The following COL5A3 variants were observed in gnomAD, a reference collection of about 807,000 sequenced individuals.
COL5A3 encodes the protein collagen type V alpha 3 chain.
A neutral mutation model predicts 250.0 loss-of-function variants in COL5A3; 172 were observed. The ratio of observed to expected loss-of-function variants is 0.69; its 90% CI spans 0.61 to 0.78. The LOEUF is 0.78. COL5A3 is among the 30% of genes least tolerant of loss of function. The pLI is 0.00. For missense variants in COL5A3, 2,340 were observed against 2,334.4 expected, an observed-to-expected ratio of 1.00 and a Z score of -0.05; for synonymous variants, 937 against 900.4, an observed-to-expected ratio of 1.04 and a Z score of -0.73.
intron 31 of COL5A3, 61 bp downstream of exon 31, chr19:9,985,781 C>T (rs2087090521): frequency 1.4e-6 from 2 of 1,472,220 alleles, no homozygotes; most frequent in Admixed American, 1.7e-5. Flanking sequence ...CCTGGACCCC[C>T]AGATGTTAGT....
At chr19:9,996,753 G>A (rs1314387470) in intron 11 of COL5A3, 64 bp from the exon 12 acceptor site, 1 of 1,300,874 alleles carries the variant, frequency 7.7e-7, no homozygotes, top group Non-Finnish European at 1.1e-6. Flanking sequence ...AGCGAGGACA[G>A]GGGAGGCACA....
rs748516330 is a variant in COL5A3 at position 9,966,657 on chromosome 19, C to T, written c.4548G>A (p.Val1516=). 5.2e-6 allele frequency: 8 copies of T among 1,538,096 alleles called. No homozygotes were observed. The highest frequency in any genetic ancestry group is 7.0e-6 in the Non-Finnish European group (8 of 1,147,260). The change falls in exon 63 of 67, where the codon GTG becomes GTA. Residue 1516 remains valine (V), a synonymous_variant. Transcript: ENST00000264828. The stretch of plus-strand genomic sequence containing the variant: ...AGCTCAGCGATGTGAGCGAGGCCAG[C>T]ACCTCCTCCAGGCCGCCCTCCACGA... ...LPVVEGGLEE[V]LASLTSLSLE...
At chr19:9,997,124 GAC>G (rs1169809573) in intron 11 of COL5A3, 2 of 583,782 alleles carry the variant, frequency 3.4e-6, no homozygotes, top group Admixed American at 6.1e-5. Context: ...ACAGGAGAAA[GAC>G]AGAGATAAAA....
rs1209801700 is a variant in COL5A3 at position 9,983,560 on chromosome 19, GAA to G, written c.2407-1444_2407-1443del. Among the ~76,000 whole-genome samples, 14 of 66,084 alleles carry G rather than the reference GAA, an allele frequency of 2.1e-4. No homozygotes were observed. In the South Asian group the frequency reaches 2.2e-3, roughly 11 times the overall value. The allele number at this position is 66,084 out of a possible 152,430, so 43.4% of individuals were successfully genotyped here. On this transcript the variant is annotated intron_variant, in intron 31 of 66. Transcript: ENST00000264828. ...AGAAAGAAAGAAAGAAAGAAAGAAAGAAAGAAAGAAAGAAAGAAAGAAAGAAA... is the reference window on the plus strand; with the variant it reads ...AGAAAGAAAGAAAGAAAGAAAGAAAGAGAAAGAAAGAAAGAAAGAAAGAAA...
At chr19:9,978,712 C>A in intron 40 of COL5A3, 85 bp from the exon 41 acceptor site, 2 of 1,012,024 alleles carry the variant, frequency 2.0e-6, no homozygotes, top group East Asian at 2.7e-5. Flanking sequence ...TCACAGTCCC[C>A]ACCTCTCTCC....
intron 37 of COL5A3, 99 bp from the exon 38 acceptor site, chr19:9,979,516 C>G: frequency 7.6e-7 from 1 of 1,308,044 alleles, no homozygotes; most frequent in South Asian, 1.2e-5. Flanking sequence ...TCTGGCCGGT[C>G]CGGTGGCTCA....
intron 27 of COL5A3, among the ~76,000 whole-genome samples, chr19:9,988,544 C>T (rs991358043): frequency 6.6e-6 from 1 of 151,802 alleles, no homozygotes; most frequent in Non-Finnish European, 1.5e-5. Context: ...AGAACACAAC[C>T]CTCGGGCCAG....
intron 31 of COL5A3, among the ~76,000 whole-genome samples, chr19:9,983,590 AAGAAAGAAAGAG>A (rs1568418798): frequency 1.3e-5 from 1 of 75,582 alleles, no homozygotes; most frequent in African/African-American, 5.3e-5. Flanking sequence ...GAAAGAAAGA[AAGAAAGAAAGAG>A]AAAGAGAGAG....
chr19:9,985,958 C>G, intron 30 of COL5A3, 63 bp from the exon 31 acceptor site: 1 of 1,507,588 alleles, frequency 6.6e-7, no homozygotes, highest in Non-Finnish European at 9.2e-7. Context: ...GCGGAAAGGT[C>G]AGGCTGGCTG....
chr19:9,960,270 A>T lies in COL5A3; in HGVS notation c.*141T>A. On this transcript the variant is annotated 3_prime_UTR_variant, in exon 67 of 67. Transcript: ENST00000264828. ...CCCCAGCACCCTGGAAAGGAGAAGG[A>T]ATGACTGTCCGTGATGAGCGAAGTC... 9.6e-7 allele frequency: 1 copy of T among 1,040,494 alleles called. No individual in the cohort carries two copies. 64.5% of individuals were successfully genotyped at this position (1,040,494 alleles called of 1,614,324 possible).
intron 5 of COL5A3, 42 bp from the exon 6 acceptor site, chr19:10,003,756 C>A: frequency 9.9e-6 from 16 of 1,609,438 alleles, no homozygotes; most frequent in Non-Finnish European, 1.3e-5. Flanking sequence ...ATCCCACCAG[C>A]AGAGACCCCA....
chr19:9,987,527 A>C (rs1044655939), intron 27 of COL5A3, among the ~76,000 whole-genome samples: 3 of 152,120 alleles, frequency 2.0e-5, no homozygotes, highest in Non-Finnish European at 2.9e-5. Context: ...GCTTGAGCCC[A>C]GGAGTTCCAG....
At chr19:9,989,073 G>A (rs2145115432) in intron 27 of COL5A3, 51 bp downstream of exon 27, 1 of 1,585,740 alleles carries the variant, frequency 6.3e-7, no homozygotes, top group East Asian at 2.2e-5. Flanking sequence ...TGCATCGCAT[G>A]CCTGAACCCA....
chr19:9,961,698 A>G lies in COL5A3; in HGVS notation c.4852-808T>C, dbSNP rs544603934. 1.6e-4 allele frequency among the ~76,000 whole-genome samples: 25 copies of G among 151,758 alleles called. 1 individual carries two copies. The East Asian group carries it at 3.9e-3, about 24-fold the overall frequency. On this transcript the variant is annotated intron_variant, in intron 65 of 66. Transcript: ENST00000264828. ...CTCAGCCTCCCAAGTAACTGGGACT[A>G]CGGGCGCCTGCCACCACGCCCGGCT...
In COL5A3 at chr19:10,003,667, C is replaced by T; in HGVS notation, c.747G>A (p.Lys249=). Residue 249 remains lysine (K), a synonymous_variant, in exon 6 of 67, where the codon AAG becomes AAA. Coordinates refer to ENST00000264828, the MANE Select transcript of COL5A3 (RefSeq NM_015719.4). ...PETPRPRRKG[K]GKGRKKGRGR... ...CTCGCCCTTTCTTCCTCCCTTTTCC[C>T]TTCCCCTTCCGCCGAGGACGAGGGG... 6.2e-7 allele frequency: 1 copy of T among 1,614,190 alleles called. No individual in the cohort carries two copies. The highest frequency in any genetic ancestry group is 8.5e-7 in the Non-Finnish European group (1 of 1,180,034).
Position 9,974,293 on chromosome 19 carries a change from A to C in COL5A3, c.3450+8T>G. On this transcript the variant is annotated splice_region_variant and intron_variant, in intron 46 of 66. Coordinates refer to ENST00000264828, the MANE Select transcript of COL5A3 (RefSeq NM_015719.4). ...TCAGAAGTGCCACCCCCAAACCCAG[A>C]CACCCACCTGCAGTCCAGGAGGGCC... The C allele has an allele frequency of 6.2e-7, 1 of 1,609,660 alleles. No homozygotes were observed. Among genetic ancestry groups the C allele is most frequent in the Non-Finnish European group, 8.5e-7 (1 of 1,177,700 alleles).
rs201669209 is a variant in COL5A3, at chr19:9,972,969, G to T, written c.3724C>A (p.Pro1242Thr). The T allele has an allele frequency of 1.2e-6, 2 of 1,611,958 alleles. No individual in the cohort carries two copies. The highest frequency in any genetic ancestry group is 1.7e-6 in the Non-Finnish European group (2 of 1,179,156). The change falls in exon 51 of 67, where the codon CCC becomes ACC. Residue 1242 changes from proline (P) to threonine (T), a missense_variant. Coordinates refer to ENST00000264828, the MANE Select transcript of COL5A3 (RefSeq NM_015719.4). ...GDSGPSGAAG[P>T]PGKKGPPGED... Reference sequence around the variant, plus strand: ...CCAGGGGGACCTTTCTTGCCTGGGGGTCCAGCAGCTCCAGATGGGCCTGAG... The same window carrying T: ...CCAGGGGGACCTTTCTTGCCTGGGGTTCCAGCAGCTCCAGATGGGCCTGAG...
Position 9,997,406 on chromosome 19 carries a change from C to T in COL5A3, c.1228G>A (p.Gly410Ser), listed in dbSNP as rs199984786. 2.6e-5 allele frequency: 42 copies of T among 1,609,972 alleles called. No homozygotes were observed. Among genetic ancestry groups the T allele is most frequent in the Non-Finnish European group, 3.3e-5 (39 of 1,178,622 alleles). ...QGVVGPSGPP[G>S]PPGFPGDPGP... ...GGGTCGCCAGGGAATCCTGGGGGGC[C>T]GGGAGGGCCTGAGGGGCCAACCACC... Residue 410 changes from glycine (G) to serine (S), a missense_variant, in exon 11 of 67, where the codon GGC becomes AGC. Physicochemically the swap from Gly to Ser is moderately conservative, Grantham distance 56. Around this residue, in one of 3 missense-constraint regions of COL5A3, gnomAD observed 1,152 missense variants for 1,146.3 expected, o/e 1.00. Transcript: ENST00000264828.
intron 64 of COL5A3, among the ~76,000 whole-genome samples, chr19:9,964,655 G>A (rs565787559): frequency 2.0e-5 from 3 of 151,578 alleles, no homozygotes; most frequent in South Asian, 2.1e-4. Context: ...CACTTATACC[G>A]GCCAGGTTCT....
Sources: gnomAD v4.1 joint callset for allele counts (sites outside exome capture counted in the v4.1 genomes callset) on GRCh38, gnomAD v4.1.1 for gene constraint, gnomAD v4.1.1 regional missense constraint, MANE v1.5 for transcripts, NCBI Gene and HGNC (gene_info 2026-07-23, HGNC 2026-07-21) for gene names.